The following DRC1 variants were observed in gnomAD, a reference collection of about 807,000 sequenced individuals.
DRC1 encodes the protein dynein regulatory complex subunit 1, also known as dynein regulatory complex protein 1.
A neutral mutation model predicts 98.7 loss-of-function variants in DRC1; 74 were observed. That is an observed-to-expected ratio of 0.75 (90% CI 0.62 to 0.91). DRC1 has a LOEUF of 0.91. Ranked by LOEUF, DRC1 falls within the 40% of genes least tolerant of loss-of-function variation. DRC1 has a pLI of 0.00. For synonymous variants in DRC1, 336 were observed against 334.1 expected (o/e 1.01, Z -0.06); for missense variants, 875 against 886.0 (o/e 0.99, Z 0.16).
intron 1 of DRC1, among the ~76,000 whole-genome samples, chr2:26,407,642 C>G (rs577626865): frequency 6.6e-5 from 10 of 152,192 alleles, no homozygotes; most frequent in African/African-American, 2.2e-4. Context: ...TGGCTTACTT[C>G]GTCCGACCAC....
intron 13 of DRC1, among the ~76,000 whole-genome samples, chr2:26,452,505 C>T (rs1429586910): frequency 6.6e-6 from 1 of 152,282 alleles, no homozygotes; most frequent in Admixed American, 6.5e-5. Flanking sequence ...AATGATCTGC[C>T]CACCTTGGCC....
At chr2:26,423,025 C>A (rs1663186217) in intron 3 of DRC1, among the ~76,000 whole-genome samples, 1 of 152,102 alleles carries the variant, frequency 6.6e-6, no homozygotes, top group Non-Finnish European at 1.5e-5. Flanking sequence ...TAAGCAGTTC[C>A]CTCTTTAGCA....
At chr2:26,425,024 C>T (rs1051876560) in intron 4 of DRC1, among the ~76,000 whole-genome samples, 1 of 152,170 alleles carries the variant, frequency 6.6e-6, no homozygotes, top group Non-Finnish European at 1.5e-5. Context: ...CAATAGATCT[C>T]TAAGAACTTT....
chr2:26,417,257 A>C (rs976123797), intron 2 of DRC1, among the ~76,000 whole-genome samples: 28 of 151,916 alleles, frequency 1.8e-4, no homozygotes, highest in African/African-American at 6.5e-4. Context: ...GCTTTATGAC[A>C]GTTCTTGATG....
intron 8 of DRC1, among the ~76,000 whole-genome samples, chr2:26,442,371 T>C (rs781402167): frequency 6.6e-6 from 1 of 152,240 alleles, no homozygotes; most frequent in East Asian, 1.9e-4. Context: ...CCAAGCGCAG[T>C]GGCTTCTCCT....
intron 13 of DRC1, among the ~76,000 whole-genome samples, 199 bp downstream of exon 13, chr2:26,450,880 G>GC (rs1398508030): frequency 2.1e-5 from 3 of 143,872 alleles, no homozygotes; most frequent in Admixed American, 7.0e-5. Context: ...CCCTCCCCTA[G>GC]CCCCCACCCC....
In DRC1 at chr2:26,453,378, G is replaced by A. The variant is rs768927882; in HGVS notation, c.1748G>A (p.Arg583Lys). The A allele has an allele frequency of 4.3e-6, 7 of 1,614,190 alleles. No homozygotes were observed. The highest frequency in any genetic ancestry group is 4.2e-6 in the Non-Finnish European group (5 of 1,180,048). ...GCGAGCATGGAGGAGACAAGCACGAGGTCAGAATTGGAGCTGGCAGAGCAG... is the reference window on the plus strand; with the variant it reads ...GCGAGCATGGAGGAGACAAGCACGAAGTCAGAATTGGAGCTGGCAGAGCAG... ...EKASMEETST[R>K]SELELAEQTE... Residue 583 changes from arginine to lysine, a missense_variant, in exon 14 of 17, where the codon AGG (arginine) becomes AAG (lysine). Physicochemically the swap from Arg to Lys is conservative, Grantham distance 26. Transcript: ENST00000288710.
Position 26,444,340 on chromosome 2 carries a change from C to T in DRC1, c.1147C>T (p.Leu383=). ...ACGTCTTGTGATGCAATTCAAGGAG[C>T]TACAGAAAGCCATGAGGTATCTTAA... ...YKRLVMQFKE[L]QKAMRHFALI... The change falls in exon 9 of 17, where the codon CTA becomes TTA. Residue 383 remains leucine, a synonymous_variant. Coordinates refer to ENST00000288710, the MANE Select transcript of DRC1 (RefSeq NM_145038.5). The T allele has an allele frequency of 1.9e-6, 3 of 1,614,094 alleles. No individual in the cohort carries two copies. The highest frequency in any genetic ancestry group is 2.5e-6 in the Non-Finnish European group (3 of 1,180,016).
intron 13 of DRC1, among the ~76,000 whole-genome samples, chr2:26,451,270 C>T (rs1361130428): frequency 6.6e-6 from 1 of 152,094 alleles, no homozygotes; most frequent in Non-Finnish European, 1.5e-5. Context: ...AGGTCTCAGC[C>T]ACTGTGAGAC....
intron 8 of DRC1, among the ~76,000 whole-genome samples, chr2:26,441,572 T>G (rs1663718599): frequency 6.7e-6 from 1 of 149,588 alleles, no homozygotes; most frequent in Non-Finnish European, 1.5e-5. Flanking sequence ...CCCAAAGAAG[T>G]GAAATACTGG....
rs868668006 is a variant in DRC1 at position 26,404,840 on chromosome 2, T to G, written c.155+2696T>G. ...ACAGACTTGGCAGACCCTCTGTAAG[T>G]AGGACTTTGCCTCCCCTGTGTCCTC... On this transcript the variant is annotated intron_variant, in intron 1 of 16. Transcript: ENST00000288710. 5.9e-5 allele frequency among the ~76,000 whole-genome samples: 9 copies of G among 152,336 alleles called. No individual in the cohort carries two copies. In the South Asian group the frequency reaches 1.4e-3, roughly 25 times the overall value.
At chr2:26,453,838 T>C (rs1260443594) in intron 14 of DRC1, among the ~76,000 whole-genome samples, 3 of 152,194 alleles carry the variant, frequency 2.0e-5, no homozygotes, top group Non-Finnish European at 4.4e-5. Context: ...ATCAGAGTAA[T>C]GGTCAAAGCA....
intron 1 of DRC1, among the ~76,000 whole-genome samples, chr2:26,412,437 G>A (rs1678643992): frequency 6.6e-6 from 1 of 152,108 alleles, no homozygotes; most frequent in African/African-American, 2.4e-5. Flanking sequence ...TTTTTCCTAA[G>A]GCAGTACTGG....
chr2:26,445,056 A>G, intron 10 of DRC1, 108 bp downstream of exon 10: 1 of 1,170,754 alleles, frequency 8.5e-7, no homozygotes, highest in Non-Finnish European at 1.2e-6. Context: ...GAAGAGTATG[A>G]TTATTGGTAT....
intron 1 of DRC1, among the ~76,000 whole-genome samples, chr2:26,412,591 C>T (rs1678651396): frequency 6.6e-6 from 1 of 152,042 alleles, no homozygotes; most frequent in South Asian, 2.1e-4. Flanking sequence ...CCCCTTTAGT[C>T]TCATTTTCTG....
rs1003557991 is a variant in DRC1 at position 26,450,091 on chromosome 2, T to C, written c.1599+6T>C. ...GGCTGGATGCCATCTTCTCCGTGAG[T>C]CCAACGGGGCTGGGAGGACACGGGT... On this transcript the variant is annotated splice_donor_region_variant and intron_variant, in intron 12 of 16. Transcript: ENST00000288710. The C allele has an allele frequency of 6.2e-7, 1 of 1,610,988 alleles. No homozygotes were observed. The highest frequency in any genetic ancestry group is 1.1e-5 in the South Asian group (1 of 90,486).
chr2:26,410,774 T>C (rs1386525683), intron 1 of DRC1, among the ~76,000 whole-genome samples: 1 of 151,470 alleles, frequency 6.6e-6, no homozygotes, highest in African/African-American at 2.4e-5. Context: ...TTCAGAACAC[T>C]GAGAATAAAG....
intron 5 of DRC1, chr2:26,430,460 G>T (rs924315807): frequency 2.0e-6 from 1 of 492,054 alleles, no homozygotes; most frequent in African/African-American, 2.0e-5. Flanking sequence ...GGTAGTCACA[G>T]TTGAATTACA....
chr2:26,452,415 A>C (rs1447642634), intron 13 of DRC1, among the ~76,000 whole-genome samples: 2 of 152,108 alleles, frequency 1.3e-5, no homozygotes. Context: ...ACCTGCCACC[A>C]CGCCCGGCTA....
Sources: allele counts gnomAD v4.1 joint callset (sites outside exome capture counted in the v4.1 genomes callset), GRCh38; gene constraint gnomAD v4.1.1; transcripts MANE v1.5; gene names NCBI Gene and HGNC (gene_info 2026-07-23, HGNC 2026-07-21).